Variants in ENTPD5 observed in about 807,000 individuals in gnomAD.
The protein encoded by ENTPD5 is nucleoside diphosphate phosphatase ENTPD5.
In ENTPD5, 49 loss-of-function variants were observed where a neutral mutation model predicts 60.2. The ratio of observed to expected loss-of-function variants is 0.81; its 90% CI spans 0.65 to 1.03. The LOEUF is 1.03. Ranked by LOEUF, ENTPD5 falls within the 50% of genes least tolerant of loss-of-function variation. The pLI is 0.00. For synonymous variants in ENTPD5, 187 were observed against 185.4 expected, an observed-to-expected ratio of 1.01 and a Z score of -0.07; for missense variants, 480 against 507.6, an observed-to-expected ratio of 0.95 and a Z score of 0.52.
chr14:73,985,258 G>A (rs145947184), intron 5 of ENTPD5, among the ~76,000 whole-genome samples: 1,721 of 152,292 alleles, frequency 0.011, 29 homozygotes, highest in African/African-American at 0.039. Context: ...TATATACCGA[G>A]TAATGGGATG....
chr14:74,017,083 C>T (rs999444425), intron 1 of ENTPD5, among the ~76,000 whole-genome samples: 2 of 152,206 alleles, frequency 1.3e-5, no homozygotes, highest in African/African-American at 4.8e-5. Context: ...CTTTGGTAGG[C>T]CGAGGCGGGC....
chr14:73,979,207 G>T (rs1005708352), intron 6 of ENTPD5, among the ~76,000 whole-genome samples: 1 of 151,390 alleles, frequency 6.6e-6, no homozygotes, highest in African/African-American at 2.4e-5. Context: ...TTTTATCAAA[G>T]ACTTCTTCCC....
At chr14:73,987,003 AT>A (rs199818408) in intron 4 of ENTPD5, 110 bp from the exon 5 acceptor site, 149,828 of 802,664 alleles carry the variant, frequency 0.19, 15,315 homozygotes, top group East Asian at 0.33. Context: ...CCCTGAAGTT[AT>A]CCCAAATGAT....
At chr14:73,996,120 G>C (rs2140738114) in intron 3 of ENTPD5, 1 of 984,916 alleles carries the variant, frequency 1.0e-6, no homozygotes, top group Non-Finnish European at 1.2e-6. Context: ...GCTTGTGTCT[G>C]CCGGTTCCCT....
chr14:73,965,610 C>T lies in ENTPD5; in HGVS notation c.*1318G>A, dbSNP rs1394981858. 3.3e-5 allele frequency: 5 copies of T among 152,200 alleles called. No individual in the cohort carries two copies. Among genetic ancestry groups the T allele is most frequent in the Non-Finnish European group, 7.3e-5 (5 of 68,076 alleles). The allele number at this position is 152,200 out of a possible 1,614,324, so 9.4% of individuals were successfully genotyped here. A position where few individuals can be genotyped will look rare whatever the true frequency, so the allele number is the denominator to read the frequency against. On this transcript the variant is annotated 3_prime_UTR_variant, in exon 16 of 16. Coordinates refer to ENST00000334696, the MANE Select transcript of ENTPD5 (RefSeq NM_001249.5). ...TGGTGGTGGGCACCTGTAATCCCAG[C>T]TCTTCAGGAGGCTGAGAACAAGAAT... is the stretch of plus-strand genomic sequence containing the variant.
intron 3 of ENTPD5, among the ~76,000 whole-genome samples, chr14:74,002,028 A>C (rs1005454883): frequency 6.6e-6 from 1 of 152,150 alleles, no homozygotes; most frequent in African/African-American, 2.4e-5. Context: ...AGTAACCAAT[A>C]TTTACGGAGA....
intron 3 of ENTPD5, among the ~76,000 whole-genome samples, chr14:74,008,034 A>G (rs2058734654): frequency 6.6e-6 from 1 of 151,674 alleles, no homozygotes; most frequent in Non-Finnish European, 1.5e-5. Flanking sequence ...GGGTTTCACT[A>G]TGTTGGCCAC....
chr14:74,011,724 G>A (rs2058851991), intron 2 of ENTPD5, among the ~76,000 whole-genome samples: 1 of 152,122 alleles, frequency 6.6e-6, no homozygotes, highest in Non-Finnish European at 1.5e-5. Flanking sequence ...CTTGAATATG[G>A]GAAGTCGAGG....
At chr14:73,972,067 A>G (rs1421992102) in intron 13 of ENTPD5, among the ~76,000 whole-genome samples, 159 bp from the exon 14 acceptor site, 1 of 152,112 alleles carries the variant, frequency 6.6e-6, no homozygotes, top group Non-Finnish European at 1.5e-5. Context: ...TTTAACCACA[A>G]TGGAAAAAAC....
At chr14:74,016,594 C>T (rs1375451790) in intron 1 of ENTPD5, among the ~76,000 whole-genome samples, 1 of 152,044 alleles carries the variant, frequency 6.6e-6, no homozygotes, top group Non-Finnish European at 1.5e-5. Context: ...CATGATCCTG[C>T]CACTGTACTC....
downstream of ENTPD5, chr14:73,958,317 C>T (rs188858270): frequency 5.0e-6 from 8 of 1,612,814 alleles, no homozygotes; most frequent in African/African-American, 8.0e-5. Flanking sequence ...TCTTGTATAT[C>T]TACATCTTAT....
chr14:73,989,874 G>A (rs1828369473), intron 3 of ENTPD5, among the ~76,000 whole-genome samples: 1 of 149,638 alleles, frequency 6.7e-6, no homozygotes, highest in Admixed American at 6.7e-5. Flanking sequence ...GGGCTTGGTG[G>A]CAGGTGCCTG....
In ENTPD5 at chr14:73,986,814, C is replaced by T. The variant is rs200394565; in HGVS notation, c.297G>A (p.Gln99=). ...AAACATCAAATCATAAGAAACTCAC[C>T]TGCTTAGGTTGATCTACAAAAGCAG... is the stretch of plus-strand genomic sequence containing the variant. ...GLSAFVDQPK[Q]GAETVQGLLE... is the part of the protein sequence containing the mutation. Residue 99 remains glutamine (Q), a splice_region_variant and synonymous_variant, in exon 5 of 16, where the codon CAG becomes CAA. Coordinates refer to ENST00000334696, the MANE Select transcript of ENTPD5 (RefSeq NM_001249.5). 3.2e-5 allele frequency: 51 copies of T among 1,612,044 alleles called. No individual in the cohort carries two copies. Among genetic ancestry groups the T allele is most frequent in the Admixed American group, 2.2e-4 (13 of 59,866 alleles).
chr14:73,975,492 C>T (rs563537007), intron 10 of ENTPD5, among the ~76,000 whole-genome samples: 2 of 149,700 alleles, frequency 1.3e-5, no homozygotes, highest in South Asian at 4.3e-4. Flanking sequence ...GCAATCTCCG[C>T]CTCCAGGGTT....
chr14:73,982,705 A>G (rs1280812617), intron 6 of ENTPD5, among the ~76,000 whole-genome samples: 1 of 152,110 alleles, frequency 6.6e-6, no homozygotes, highest in African/African-American at 2.4e-5. Flanking sequence ...GCAGTGAGCC[A>G]AGATGGCGCC....
chr14:73,959,327 T>C (rs775056983), downstream of ENTPD5: 2 of 1,614,134 alleles, frequency 1.2e-6, no homozygotes, highest in East Asian at 2.2e-5. Flanking sequence ...CCAGGCTGTT[T>C]GTAAGTTCCC....
At chr14:73,961,341 G>A, downstream of ENTPD5, 1 of 1,614,206 alleles carries the variant, frequency 6.2e-7, no homozygotes, top group Non-Finnish European at 8.5e-7. Context: ...GGGACATGCT[G>A]CTGAGTACGT....
intron 6 of ENTPD5, among the ~76,000 whole-genome samples, chr14:73,978,226 C>T (rs933384424): frequency 1.3e-5 from 2 of 151,656 alleles, no homozygotes; most frequent in African/African-American, 4.9e-5. Context: ...CTTTTCTCCC[C>T]CATCCTACAG....
At chr14:73,967,754 C>T (rs1268660728) in intron 15 of ENTPD5, among the ~76,000 whole-genome samples, 3 of 133,298 alleles carry the variant, frequency 2.3e-5, no homozygotes, top group Admixed American at 8.2e-5. Context: ...GAACTGAGAT[C>T]ATGCCACTGC....
Sources: gnomAD v4.1 joint callset for allele counts (sites outside exome capture counted in the v4.1 genomes callset) on GRCh38, gnomAD v4.1.1 for gene constraint, MANE v1.5 for transcripts, NCBI Gene and HGNC (gene_info 2026-07-23, HGNC 2026-07-21) for gene names.